Variants in CREB5 observed in about 807,000 individuals in gnomAD.
The protein encoded by CREB5 is cAMP responsive element binding protein 5.
Under a neutral mutation model 57.1 loss-of-function variants are expected in CREB5, and 19 were observed. That is an observed-to-expected ratio of 0.33 (90% CI 0.23 to 0.49). The LOEUF is 0.49. Among genes scored for constraint, CREB5 ranks in the 20% least tolerant of loss-of-function variants. The pLI, the probability that CREB5 is intolerant of heterozygous loss-of-function variation, is 0.99. For missense variants in CREB5, 579 were observed against 671.6 expected, an observed-to-expected ratio of 0.86 and a Z score of 1.52; for synonymous variants, 238 against 238.3, an observed-to-expected ratio of 1.00 and a Z score of 0.01.
intron 5 of CREB5, among the ~76,000 whole-genome samples, chr7:28,685,063 C>T (rs962199649): frequency 1.3e-5 from 2 of 152,148 alleles, no homozygotes; most frequent in Non-Finnish European, 2.9e-5. Context: ...TTTCCTCACT[C>T]TGTAATTAAA....
At chr7:28,755,295 T>A (rs1334210902) in intron 7 of CREB5, among the ~76,000 whole-genome samples, 1 of 152,164 alleles carries the variant, frequency 6.6e-6, no homozygotes, top group Non-Finnish European at 1.5e-5. Context: ...AACAATAGTG[T>A]AAAGAGAAGG....
chr7:28,545,564 A>T (rs559519879), intron 4 of CREB5, among the ~76,000 whole-genome samples: 4 of 152,330 alleles, frequency 2.6e-5, no homozygotes, highest in South Asian at 4.1e-4. Flanking sequence ...AACTTAGAAG[A>T]TCATCCACAC....
intron 9 of CREB5, among the ~76,000 whole-genome samples, chr7:28,812,861 A>G (rs1309687721): frequency 1.3e-5 from 2 of 152,214 alleles, no homozygotes; most frequent in Non-Finnish European, 2.9e-5. Flanking sequence ...GTGCTAAGCA[A>G]ACAAACTCCA....
chr7:28,820,068 G>A lies in CREB5; in HGVS notation c.*789G>A, dbSNP rs1809674695. 6.6e-6 allele frequency: 1 copy of A among 151,436 alleles called. No homozygotes were observed. Among genetic ancestry groups the A allele is most frequent in the Non-Finnish European group, 1.5e-5 (1 of 67,958 alleles). 9.4% of individuals were successfully genotyped at this position (151,436 alleles called of 1,614,324 possible). ...CTTCACTTACACTTCACCCACAGCT[G>A]GAGTTCATTCAACTCTTGCTTTTCA... On this transcript the variant is annotated 3_prime_UTR_variant, in exon 11 of 11. Coordinates refer to ENST00000357727, the MANE Select transcript of CREB5 (RefSeq NM_182898.4).
chr7:28,692,478 C>T (rs1801328444), intron 5 of CREB5, among the ~76,000 whole-genome samples: 1 of 152,168 alleles, frequency 6.6e-6, no homozygotes. Context: ...GGTGGGGTCT[C>T]CTGAAAAGAG....
chr7:28,337,259 T>C (rs1334333358), intron 1 of CREB5, among the ~76,000 whole-genome samples: 2 of 152,058 alleles, frequency 1.3e-5, no homozygotes, highest in Admixed American at 1.3e-4. Context: ...TGATTTTCTA[T>C]CTGGATGATC....
At chr7:28,791,486 A>G (rs1173284095) in intron 7 of CREB5, among the ~76,000 whole-genome samples, 1 of 152,200 alleles carries the variant, frequency 6.6e-6, no homozygotes, top group Non-Finnish European at 1.5e-5. Context: ...GGAGGTTCAA[A>G]TTCCTTCCCT....
At chr7:28,645,706 T>A (rs1198580640) in intron 5 of CREB5, among the ~76,000 whole-genome samples, 1 of 152,240 alleles carries the variant, frequency 6.6e-6, no homozygotes, top group African/African-American at 2.4e-5. Context: ...TTCTAGTGTT[T>A]GGAGAAAAAC....
At chr7:28,460,756 T>C (rs1790315714) in intron 1 of CREB5, among the ~76,000 whole-genome samples, 1 of 152,036 alleles carries the variant, frequency 6.6e-6, no homozygotes, top group South Asian at 2.1e-4. Flanking sequence ...CGGTAAATGC[T>C]TCGTAAACGT....
At chr7:28,520,464 T>A (rs1265104737) in intron 4 of CREB5, among the ~76,000 whole-genome samples, 1 of 152,200 alleles carries the variant, frequency 6.6e-6, no homozygotes, top group East Asian at 1.9e-4. Flanking sequence ...TCTGAAGTGA[T>A]CCCCACTTCC....
chr7:28,461,861 G>A (rs1204381822), intron 1 of CREB5, among the ~76,000 whole-genome samples: 1 of 151,918 alleles, frequency 6.6e-6, no homozygotes, highest in African/African-American at 2.4e-5. Flanking sequence ...CCCACTTGTA[G>A]TTTTATATAT....
At chr7:28,561,100 T>C (rs1795255798) in intron 4 of CREB5, among the ~76,000 whole-genome samples, 1 of 152,156 alleles carries the variant, frequency 6.6e-6, no homozygotes, top group African/African-American at 2.4e-5. Flanking sequence ...ACTTTTCATA[T>C]TCCTTCTAAG....
At chr7:28,418,257 G>C (rs11980074) in intron 1 of CREB5, among the ~76,000 whole-genome samples, 47,378 of 152,122 alleles carry the variant, frequency 0.31, 7,577 homozygotes, top group South Asian at 0.38. Context: ...TAAAATATTA[G>C]AAGAATCAAT....
intron 1 of CREB5, among the ~76,000 whole-genome samples, chr7:28,404,229 T>C (rs1461248526): frequency 6.6e-6 from 1 of 152,226 alleles, no homozygotes; most frequent in Non-Finnish European, 1.5e-5. Flanking sequence ...TTCTATGTCA[T>C]CATTTTCAGT....
chr7:28,390,095 G>A (rs1048692385), intron 1 of CREB5, among the ~76,000 whole-genome samples: 4 of 151,538 alleles, frequency 2.6e-5, no homozygotes. Context: ...CAAAGACAGA[G>A]GGCAAAGAGG....
At chr7:28,725,579 G>A (rs2128749640) in intron 7 of CREB5, among the ~76,000 whole-genome samples, 1 of 150,218 alleles carries the variant, frequency 6.7e-6, no homozygotes, top group Admixed American at 6.7e-5. Context: ...CCAAATACTT[G>A]CTGGCAGAAT....
intron 1 of CREB5, among the ~76,000 whole-genome samples, chr7:28,484,469 G>C (rs1356344290): frequency 6.6e-6 from 1 of 152,154 alleles, no homozygotes; most frequent in Non-Finnish European, 1.5e-5. Flanking sequence ...TGTTTGCAGA[G>C]GGCTAAATGT....
intron 5 of CREB5, among the ~76,000 whole-genome samples, chr7:28,622,259 T>TCTCA (rs1238367079): frequency 2.0e-4 from 28 of 142,894 alleles, no homozygotes; most frequent in African/African-American, 5.6e-4. Flanking sequence ...TCTCTCTCTC[T>TCTCA]CACACACACA....
chr7:28,533,223 G>T (rs1793805141), intron 4 of CREB5, among the ~76,000 whole-genome samples: 1 of 152,090 alleles, frequency 6.6e-6, no homozygotes, highest in South Asian at 2.1e-4. Context: ...AAAAAAGAAA[G>T]AGCCAGCCTT....
Sources: gnomAD v4.1 joint callset for allele counts (sites outside exome capture counted in the v4.1 genomes callset) on GRCh38, gnomAD v4.1.1 for gene constraint, MANE v1.5 for transcripts, NCBI Gene and HGNC (gene_info 2026-07-23, HGNC 2026-07-21) for gene names.